Variants in NFIA observed in about 807,000 individuals in gnomAD.
The protein encoded by NFIA is nuclear factor 1 A-type.
In NFIA, 8 loss-of-function variants were observed where a neutral mutation model predicts 62.8. That is an observed-to-expected ratio of 0.13 (90% CI 0.07 to 0.23). The LOEUF is 0.23. Among genes scored for constraint, NFIA ranks in the 10% least tolerant of loss-of-function variants. NFIA has a pLI of 1.00. For missense variants in NFIA, 410 were observed against 642.1 expected (o/e 0.64, Z 3.91); for synonymous variants, 235 against 238.1 (o/e 0.99, Z 0.12).
chr1:61,123,488 G>GT (rs1484811323), intron 2 of NFIA, among the ~76,000 whole-genome samples: 1 of 152,220 alleles, frequency 6.6e-6, no homozygotes, highest in Non-Finnish European at 1.5e-5. Context: ...AAACAAAAGT[G>GT]TTACTGTTGG....
intron 2 of NFIA, among the ~76,000 whole-genome samples, chr1:61,178,675 A>G (rs1650556505): frequency 6.6e-6 from 1 of 152,220 alleles, no homozygotes; most frequent in Admixed American, 6.5e-5. Context: ...ATAATGTTTG[A>G]TAACGAATTA....
At chr1:61,136,493 G>A (rs963612622) in intron 2 of NFIA, among the ~76,000 whole-genome samples, 7 of 152,206 alleles carry the variant, frequency 4.6e-5, no homozygotes, top group African/African-American at 1.2e-4. Flanking sequence ...AGCTTGAGTA[G>A]TATAAAAAGG....
intron 2 of NFIA, among the ~76,000 whole-genome samples, chr1:61,256,851 C>T (rs1656429207): frequency 6.6e-6 from 1 of 152,076 alleles, no homozygotes; most frequent in Non-Finnish European, 1.5e-5. Context: ...ACTCACAGTG[C>T]CATACACATG....
At chr1:61,386,522 C>G (rs577007745) in intron 7 of NFIA, among the ~76,000 whole-genome samples, 6 of 152,282 alleles carry the variant, frequency 3.9e-5, no homozygotes, top group African/African-American at 1.2e-4. Context: ...GGGAATGCTT[C>G]AACTAGACTA....
intron 7 of NFIA, among the ~76,000 whole-genome samples, chr1:61,393,040 A>C (rs1240077330): frequency 6.6e-6 from 1 of 151,976 alleles, no homozygotes; most frequent in Non-Finnish European, 1.5e-5. Flanking sequence ...AAACCCCCTC[A>C]TTTTAAGACT....
intron 2 of NFIA, among the ~76,000 whole-genome samples, chr1:61,233,240 T>C (rs1654786932): frequency 6.6e-6 from 1 of 152,224 alleles, no homozygotes; most frequent in Admixed American, 6.5e-5. Context: ...AACTATTGTG[T>C]GCACAAAAAT....
chr1:61,079,793 T>C (rs1646073515), upstream of NFIA, among the ~76,000 whole-genome samples: 1 of 152,200 alleles, frequency 6.6e-6, no homozygotes, highest in Non-Finnish European at 1.5e-5. Context: ...GGATTTACTT[T>C]TGCAACTTGG....
intron 3 of NFIA, among the ~76,000 whole-genome samples, chr1:61,316,399 C>T (rs1194482402): frequency 1.3e-5 from 2 of 152,104 alleles, no homozygotes; most frequent in Non-Finnish European, 2.9e-5. Context: ...GGTCTTAAGG[C>T]AGTGTTTATA....
chr1:61,096,414 G>T (rs1328852426), intron 2 of NFIA, among the ~76,000 whole-genome samples: 1 of 152,040 alleles, frequency 6.6e-6, no homozygotes, highest in African/African-American at 2.4e-5. Flanking sequence ...ATGTTGGTCA[G>T]GCTGGTCTCG....
At chr1:61,229,887 G>A (rs1317366088) in intron 2 of NFIA, among the ~76,000 whole-genome samples, 1 of 152,148 alleles carries the variant, frequency 6.6e-6, no homozygotes, top group Non-Finnish European at 1.5e-5. Context: ...CATGTCAACA[G>A]AAGGAATCAT....
intron 2 of NFIA, among the ~76,000 whole-genome samples, chr1:61,136,335 G>A (rs1357619966): frequency 6.6e-6 from 1 of 152,172 alleles, no homozygotes; most frequent in South Asian, 2.1e-4. Flanking sequence ...ATGGGGTTTA[G>A]GTCCTCATTA....
chr1:61,090,272 C>A (rs1646297780), intron 2 of NFIA, among the ~76,000 whole-genome samples: 1 of 152,144 alleles, frequency 6.6e-6, no homozygotes, highest in Non-Finnish European at 1.5e-5. Context: ...TCTTTAAAAT[C>A]TTGTTTTTAC....
chr1:61,263,514 A>G (rs1470105342), intron 2 of NFIA, among the ~76,000 whole-genome samples: 1 of 152,210 alleles, frequency 6.6e-6, no homozygotes, highest in Non-Finnish European at 1.5e-5. Flanking sequence ...GGCTTCCACC[A>G]TGACCAAAAT....
intron 2 of NFIA, among the ~76,000 whole-genome samples, chr1:61,257,866 T>TG (rs1557666280): frequency 1.4e-5 from 2 of 144,760 alleles, no homozygotes; most frequent in African/African-American, 5.1e-5. Flanking sequence ...TAGCTGTTTT[T>TG]TTTTTTTTTT....
intron 2 of NFIA, among the ~76,000 whole-genome samples, chr1:61,197,504 T>C (rs1032034587): frequency 6.6e-6 from 1 of 151,592 alleles, no homozygotes; most frequent in Non-Finnish European, 1.5e-5. Context: ...CCCAAAGTGC[T>C]GGGATTACAA....
At chr1:61,153,250 T>A (rs1300806039) in intron 2 of NFIA, among the ~76,000 whole-genome samples, 2 of 152,230 alleles carry the variant, frequency 1.3e-5, no homozygotes, top group African/African-American at 4.8e-5. Context: ...CTGTTCCCTA[T>A]TATATTATGT....
At chr1:61,447,232 C>T (rs1420518686) in intron 10 of NFIA, among the ~76,000 whole-genome samples, 1 of 152,178 alleles carries the variant, frequency 6.6e-6, no homozygotes, top group Non-Finnish European at 1.5e-5. Flanking sequence ...TTGGGGGAGA[C>T]ATTAGCCAAT....
chr1:61,407,943 T>C (rs1021736943), intron 9 of NFIA, among the ~76,000 whole-genome samples: 4 of 152,040 alleles, frequency 2.6e-5, no homozygotes, highest in Non-Finnish European at 4.4e-5. Context: ...ATAATAATGA[T>C]AGTGAATACA....
At chr1:61,444,557 G>A (rs1667724813) in intron 10 of NFIA, among the ~76,000 whole-genome samples, 1 of 152,196 alleles carries the variant, frequency 6.6e-6, no homozygotes, top group Non-Finnish European at 1.5e-5. Context: ...ACTTGAACTT[G>A]TAAACGGTGT....
Sources: gnomAD v4.1 joint callset for allele counts (sites outside exome capture counted in the v4.1 genomes callset) on GRCh38, gnomAD v4.1.1 for gene constraint, MANE v1.5 for transcripts, NCBI Gene and HGNC (gene_info 2026-07-23, HGNC 2026-07-21) for gene names.